Variants in ASTN1 observed in about 807,000 individuals in gnomAD.
The protein encoded by ASTN1 is astrotactin-1.
Under a neutral mutation model 140.7 loss-of-function variants are expected in ASTN1, and 41 were observed. That is an observed-to-expected ratio of 0.29 (90% CI 0.23 to 0.38). The LOEUF (loss-of-function observed/expected upper bound fraction) is 0.38. ASTN1 is among the 10% of genes least tolerant of loss of function. The pLI, the probability that ASTN1 is intolerant of heterozygous loss-of-function variation, is 1.00. For missense variants in ASTN1, 1,479 were observed against 1,678.8 expected (o/e 0.88, Z 2.08); for synonymous variants, 640 against 652.2 (o/e 0.98, Z 0.29).
intron 1 of ASTN1, among the ~76,000 whole-genome samples, chr1:177,067,017 C>T (rs1010022654): frequency 6.6e-6 from 1 of 152,036 alleles, no homozygotes; most frequent in African/African-American, 2.4e-5. Flanking sequence ...ATGGCTATGA[C>T]TGACTGTTAA....
intron 1 of ASTN1, among the ~76,000 whole-genome samples, chr1:177,064,987 A>C (rs4266840): frequency 6.6e-6 from 1 of 152,216 alleles, no homozygotes; most frequent in Non-Finnish European, 1.5e-5. Flanking sequence ...TCCCAGCAGA[A>C]TATCTCAAGA....
At chr1:176,952,039 C>T (rs1453820602) in intron 11 of ASTN1, among the ~76,000 whole-genome samples, 3 of 152,154 alleles carry the variant, frequency 2.0e-5, no homozygotes, top group Non-Finnish European at 2.9e-5. Flanking sequence ...GTCCTGAAAG[C>T]ATGTGTGTTT....
At chr1:177,031,529 C>T (rs1294938021) in intron 3 of ASTN1, among the ~76,000 whole-genome samples, 1 of 152,146 alleles carries the variant, frequency 6.6e-6, no homozygotes, top group Non-Finnish European at 1.5e-5. Flanking sequence ...ATGATATGTC[C>T]CCCATATTCT....
chr1:176,910,013 G>A (rs1277384197), intron 16 of ASTN1, among the ~76,000 whole-genome samples: 1 of 152,122 alleles, frequency 6.6e-6, no homozygotes, highest in Non-Finnish European at 1.5e-5. Flanking sequence ...TGGAATGCCT[G>A]CCTCTGCATG....
intron 16 of ASTN1, among the ~76,000 whole-genome samples, chr1:176,927,795 C>A (rs1213186384): frequency 2.0e-5 from 3 of 152,130 alleles, no homozygotes; most frequent in Non-Finnish European, 4.4e-5. Flanking sequence ...TTATCAGTTA[C>A]CTCAGTGATA....
At chr1:177,159,568 C>G (rs944369277) in intron 1 of ASTN1, among the ~76,000 whole-genome samples, 1 of 152,166 alleles carries the variant, frequency 6.6e-6, no homozygotes, top group Non-Finnish European at 1.5e-5. Context: ...ACCTTTGAAG[C>G]CAATTGAAAA....
At position 176,946,062 on chromosome 1, in the gene ASTN1, T is replaced by C. The variant is rs753631050; in HGVS notation, c.2113A>G (p.Thr705Ala). The C allele has an allele frequency of 1.9e-6, 3 of 1,613,946 alleles. No homozygotes were observed. The South Asian group carries it at 3.3e-5, about 18-fold the overall frequency. ...DGRSCQLITE[T>A]CPEGSDCGES... is the part of the protein sequence containing the mutation. ...CCACAGTCACTTCCCTCTGGACAGG[T>C]CTCCGTGATGAGTTGGCAAGAGCGT... The change falls in exon 13 of 23, where the codon ACC (threonine) becomes GCC (alanine). Residue 705 changes from threonine (T) to alanine (A), a missense_variant. Physicochemically the swap from Thr to Ala is moderately conservative, Grantham distance 58 (BLOSUM62 0). Transcript: ENST00000361833.
chr1:177,059,920 T>C (rs1678002049), intron 2 of ASTN1, among the ~76,000 whole-genome samples: 1 of 152,190 alleles, frequency 6.6e-6, no homozygotes, highest in African/African-American at 2.4e-5. Context: ...AAATAATCAG[T>C]CAAGTCTCAA....
chr1:176,991,457 A>C (rs1674169890), intron 8 of ASTN1, among the ~76,000 whole-genome samples: 1 of 141,770 alleles, frequency 7.1e-6, no homozygotes. Flanking sequence ...AAAAAAAAAA[A>C]ACCAACAACA....
chr1:177,148,145 G>A (rs1210723804), intron 1 of ASTN1, among the ~76,000 whole-genome samples: 1 of 152,152 alleles, frequency 6.6e-6, no homozygotes, highest in African/African-American at 2.4e-5. Flanking sequence ...CAGGCCGGGT[G>A]TGGTGGCTCA....
chr1:177,013,398 T>C (rs909593544), intron 8 of ASTN1, among the ~76,000 whole-genome samples: 1 of 152,228 alleles, frequency 6.6e-6, no homozygotes, highest in African/African-American at 2.4e-5. Context: ...GCATCTATCA[T>C]GCCTTGACTT....
chr1:177,008,479 G>GAGGGAGAGAGAGAGGGAGAC (rs1675109830), intron 8 of ASTN1, among the ~76,000 whole-genome samples: 2 of 130,128 alleles, frequency 1.5e-5, no homozygotes, highest in Non-Finnish European at 3.2e-5. Context: ...GAGAGAGGGA[G>GAGGGAGAGAGAGAGGGAGAC]AGGAAGAGAG....
In ASTN1 at chr1:177,164,492, G is replaced by A; in HGVS notation, c.185C>T (p.Ser62Leu). The change falls in exon 1 of 23, where the codon TCG (serine) becomes TTG (leucine). Residue 62 changes from serine to leucine, a missense_variant. Coordinates refer to ENST00000361833, the MANE Select transcript of ASTN1 (RefSeq NM_004319.3). ...DLSIMHSPSA[S>L]EPKLLFSVRN... ...CACCGAGAAGAGGAGCTTGGGCTCC[G>A]AGGCCGAGGGGCTGTGCATGATGCT... 1.2e-6 allele frequency: 2 copies of A among 1,613,874 alleles called. No individual in the cohort carries two copies. The highest frequency in any genetic ancestry group is 1.7e-6 in the Non-Finnish European group (2 of 1,179,936).
intron 16 of ASTN1, among the ~76,000 whole-genome samples, chr1:176,903,430 C>T (rs1391726826): frequency 2.6e-5 from 4 of 152,174 alleles, no homozygotes; most frequent in South Asian, 2.1e-4. Flanking sequence ...GCTTTATGGC[C>T]TCTGTCCCAC....
chr1:176,949,299 T>C lies in ASTN1; in HGVS notation c.1940A>G (p.His647Arg). 1 of 1,614,092 alleles carries C rather than the reference T, an allele frequency of 6.2e-7. No individual in the cohort carries two copies. Among genetic ancestry groups the C allele is most frequent in the Non-Finnish European group, 8.5e-7 (1 of 1,180,008 alleles). Residue 647 changes from histidine to arginine, a missense_variant, in exon 12 of 23, where the codon CAC becomes CGC. Physicochemically the swap from His to Arg is conservative, Grantham distance 29 (BLOSUM62 0). Transcript: ENST00000361833. ...GCCGTCGGAACAGTCCACCCCGATG[T>C]GGCGGTCATAGCAGCCAGAGCTGTC... ...MKDSSGCYDR[H>R]IGVDCSDGFN...
chr1:176,931,431 A>T (rs1168910736), intron 16 of ASTN1, among the ~76,000 whole-genome samples: 2 of 152,358 alleles, frequency 1.3e-5, no homozygotes, highest in East Asian at 3.9e-4. Flanking sequence ...ACGCCATTGC[A>T]CTACAGCCTG....
chr1:176,882,709 A>G, intron 20 of ASTN1, 150 bp downstream of exon 20: 2 of 1,113,872 alleles, frequency 1.8e-6, no homozygotes, highest in South Asian at 3.2e-5. Context: ...GTACTCGAGA[A>G]CATTCTCTAT....
chr1:177,049,962 T>C lies in ASTN1; in HGVS notation c.471+11116A>G, dbSNP rs573563505. 3.9e-5 allele frequency among the ~76,000 whole-genome samples: 6 copies of C among 152,312 alleles called. No homozygotes were observed. In the East Asian group the frequency reaches 7.7e-4, roughly 20 times the overall value. On this transcript the variant is annotated intron_variant, in intron 2 of 22. Transcript: ENST00000361833. ...GCCCAGGGATAATGACTGGGATGTA[T>C]ACATTCCATGACACTTAGGAAATAA...
intron 14 of ASTN1, among the ~76,000 whole-genome samples, chr1:176,942,402 A>G (rs1289769102): frequency 6.6e-6 from 1 of 152,158 alleles, no homozygotes; most frequent in Non-Finnish European, 1.5e-5. Context: ...TATATCAGAC[A>G]GACCTACATC....
Sources: allele counts gnomAD v4.1 joint callset (sites outside exome capture counted in the v4.1 genomes callset), GRCh38; gene constraint gnomAD v4.1.1; transcripts MANE v1.5; gene names NCBI Gene and HGNC (gene_info 2026-07-23, HGNC 2026-07-21).